DENND4C: variants seen among roughly 807,000 people sequenced by gnomAD.
DENND4C encodes DENN domain containing 4C, also known as DENN domain-containing protein 4C.
Under a neutral mutation model 203.0 loss-of-function variants are expected in DENND4C, and 108 were observed. The observed-to-expected ratio is 0.53, with a 90% CI of 0.46 to 0.62. The LOEUF (loss-of-function observed/expected upper bound fraction) is 0.62, where lower values mean the gene tolerates loss of function less well. Among genes scored for constraint, DENND4C ranks in the 20% least tolerant of loss-of-function variants. DENND4C has a pLI of 0.00. For synonymous variants in DENND4C, 871 were observed against 792.4 expected (o/e 1.10, Z -1.67); for missense variants, 2,481 against 2,301.2 (o/e 1.08, Z -1.60).
intron 27 of DENND4C, chr9:19,357,630 T>C (rs1825694382): frequency 2.2e-5 from 5 of 227,982 alleles, no homozygotes. Flanking sequence ...ATTGTACTTA[T>C]TTGCATATAG....
chr9:19,253,173 A>G (rs1827075511), intron 1 of DENND4C, among the ~76,000 whole-genome samples: 1 of 152,254 alleles, frequency 6.6e-6, no homozygotes, highest in Admixed American at 6.5e-5. Flanking sequence ...CCAATATTTT[A>G]AAACTTGGAC....
intron 20 of DENND4C, among the ~76,000 whole-genome samples, chr9:19,338,960 A>G (rs1479613152): frequency 6.6e-6 from 1 of 152,076 alleles, no homozygotes; most frequent in Non-Finnish European, 1.5e-5. Context: ...CTTAGTTTTG[A>G]TTTTAAAGTA....
chr9:19,343,264 T>C (rs1342214135), intron 22 of DENND4C, among the ~76,000 whole-genome samples: 3 of 152,236 alleles, frequency 2.0e-5, no homozygotes, highest in African/African-American at 7.2e-5. Context: ...CCATTTTTTA[T>C]TTGTGATTAA....
chr9:19,307,641 G>A (rs1430195695), intron 10 of DENND4C, among the ~76,000 whole-genome samples: 1 of 151,282 alleles, frequency 6.6e-6, no homozygotes, highest in African/African-American at 2.4e-5. Context: ...ATGGTGGTGG[G>A]CGCCTGTAAT....
In DENND4C at chr9:19,336,647, A is replaced by G. The variant is rs559999634; in HGVS notation, c.2735-39A>G. 62 of 1,536,226 alleles carry G rather than the reference A, an allele frequency of 4.0e-5. 1 individual carries two copies. The South Asian group carries it at 5.1e-4, about 13-fold the overall frequency. On this transcript the variant is annotated intron_variant, in intron 19 of 32. Transcript: ENST00000434457. The stretch of plus-strand genomic sequence containing the variant: ...TCATGTTTAGTTTAAGAGATTATCA[A>G]TGCATGAGTTATTGAACTGCTATTG...
rs79959017 is a variant in DENND4C, at chr9:19,339,647, A to G, written c.2882-1345A>G. Among the ~76,000 whole-genome samples the G allele has an allele frequency of 1.5e-4, 23 of 152,206 alleles. No individual in the cohort carries two copies. In the East Asian group the frequency reaches 4.1e-3, roughly 27 times the overall value. On this transcript the variant is annotated intron_variant, in intron 20 of 32. Transcript: ENST00000434457. ...TACTATAATATTTTTTTCCTCTCAGATGATAAGCTATTTTTGAAAGAACAC... is the reference window on the plus strand; with the variant it reads ...TACTATAATATTTTTTTCCTCTCAGGTGATAAGCTATTTTTGAAAGAACAC...
Position 19,346,513 on chromosome 9 carries a change from T to C in DENND4C, c.3744T>C (p.Thr1248=), listed in dbSNP as rs1182940549. The stretch of plus-strand genomic sequence containing the variant: ...TGGTTCAGAGGGAAGATGTTGAAAC[T>C]GGACTAGATCCTTTGTCTCTTTTAG... ...AKVVQREDVE[T]GLDPLSLLAT... is the part of the protein sequence containing the mutation. The change falls in exon 23 of 33, where the codon ACT becomes ACC. Residue 1248 remains threonine, a synonymous_variant. Coordinates refer to ENST00000434457, the MANE Select transcript of DENND4C (RefSeq NM_001330640.2). 1.2e-6 allele frequency: 2 copies of C among 1,614,042 alleles called. No homozygotes were observed. Among genetic ancestry groups the C allele is most frequent in the African/African-American group, 2.7e-5 (2 of 74,922 alleles).
At chr9:19,238,141 G>A (rs1388953559) in intron 1 of DENND4C, among the ~76,000 whole-genome samples, 7 of 150,402 alleles carry the variant, frequency 4.7e-5, no homozygotes, top group Non-Finnish European at 1.0e-4. Context: ...GGAGTGCAAT[G>A]GCGTGATCTC....
In DENND4C at chr9:19,291,305, G is replaced by A. The variant is rs181821307; in HGVS notation, c.801+429G>A. The A allele has an allele frequency of 1.3e-3, 208 of 154,432 alleles. 2 individuals are homozygous for A. The highest frequency in any genetic ancestry group is 4.6e-3 in the African/African-American group (193 of 41,584). 9.6% of individuals were successfully genotyped at this position (154,432 alleles called of 1,614,324 possible). ...TAATGGAGGGGCTCAAAATATCAAGGAAGGAACAGGATATTTTGAAAAATG... is the reference window on the plus strand; with the variant it reads ...TAATGGAGGGGCTCAAAATATCAAGAAAGGAACAGGATATTTTGAAAAATG... On this transcript the variant is annotated intron_variant, in intron 5 of 32. Transcript: ENST00000434457.
chr9:19,275,859 G>T (rs1441070556), intron 1 of DENND4C, among the ~76,000 whole-genome samples: 3 of 152,128 alleles, frequency 2.0e-5, no homozygotes, highest in Admixed American at 2.0e-4. Context: ...CACTTGCCTT[G>T]GCCCCCCAAA....
intron 1 of DENND4C, among the ~76,000 whole-genome samples, chr9:19,270,903 ATG>A (rs747460421): frequency 1.3e-5 from 2 of 152,242 alleles, no homozygotes; most frequent in Non-Finnish European, 2.9e-5. Flanking sequence ...TGAGATCAAT[ATG>A]TAAAAATCAA....
In DENND4C at chr9:19,298,106, C is replaced by T. The variant is rs200121414; in HGVS notation, c.1091C>T (p.Pro364Leu). Residue 364 changes from proline (P) to leucine (L), a missense_variant, in exon 7 of 33, where the codon CCG (proline) becomes CTG (leucine). By Grantham distance (98) the Pro-to-Leu change is moderately conservative (BLOSUM62 -3). Transcript: ENST00000434457. ...QNIPFPSPQR[P>L]RILVQLSVHD... ...ATCCCTTTTCCTTCACCACAAAGAC[C>T]GAGAATCCTTGTCCAGGTAATCAAA... 4.3e-6 allele frequency: 7 copies of T among 1,609,458 alleles called. No homozygotes were observed. Among genetic ancestry groups the T allele is most frequent in the East Asian group, 4.5e-5 (2 of 44,652 alleles).
At chr9:19,356,539 A>T (rs1427887719) in intron 26 of DENND4C, among the ~76,000 whole-genome samples, 1 of 152,194 alleles carries the variant, frequency 6.6e-6, no homozygotes, top group East Asian at 1.9e-4. Flanking sequence ...ATGGAGATTT[A>T]TAAGTGATAA....
intron 23 of DENND4C, among the ~76,000 whole-genome samples, chr9:19,348,654 AATAATAATTGAATTAAAAGTATAGT>A (rs1439372877): frequency 1.3e-5 from 2 of 152,188 alleles, no homozygotes; most frequent in Non-Finnish European, 2.9e-5. Context: ...TTATAGACAA[AATAATAATTGAATTAAAAGTATAGT>A]ATTGAACATT....
At chr9:19,341,140 T>C in intron 21 of DENND4C, 26 bp downstream of exon 21, 1 of 1,560,622 alleles carries the variant, frequency 6.4e-7, no homozygotes. Flanking sequence ...TTACGAACTT[T>C]ACTTAGAATA....
At chr9:19,242,654 CTT>C (rs58190075) in intron 1 of DENND4C, among the ~76,000 whole-genome samples, 164 of 145,132 alleles carry the variant, frequency 1.1e-3, no homozygotes, top group African/African-American at 2.6e-3. Flanking sequence ...CTATTTCTTT[CTT>C]TTTTTTTTTT....
intron 23 of DENND4C, among the ~76,000 whole-genome samples, chr9:19,349,372 C>A (rs1350841069): frequency 6.6e-6 from 1 of 152,200 alleles, no homozygotes; most frequent in East Asian, 1.9e-4. Flanking sequence ...CACACCACTG[C>A]ACTCCAGCCT....
Position 19,349,680 on chromosome 9 carries a change from G to C in DENND4C, c.4318-1022G>C, listed in dbSNP as rs538441352. On this transcript the variant is annotated intron_variant, in intron 23 of 32. Transcript: ENST00000434457. ...TTAATTAGAGGTATATGTAAAAATA[G>C]AGGAATTTACCAATGTAATTTATAT... Among the ~76,000 whole-genome samples the C allele has an allele frequency of 3.3e-5, 5 of 152,310 alleles. No homozygotes were observed. In the East Asian group the frequency reaches 5.8e-4, roughly 18 times the overall value.
At chr9:19,279,422 C>T (rs542748491) in intron 2 of DENND4C, among the ~76,000 whole-genome samples, 130 of 152,100 alleles carry the variant, frequency 8.5e-4, no homozygotes, top group African/African-American at 2.9e-3. Flanking sequence ...CGCCTGTAAT[C>T]CCAGCACTTT....
Sources: allele counts gnomAD v4.1 joint callset (sites outside exome capture counted in the v4.1 genomes callset), GRCh38; gene constraint gnomAD v4.1.1; transcripts MANE v1.5; gene names NCBI Gene and HGNC (gene_info 2026-07-23, HGNC 2026-07-21).